The following LCLAT1 variants were observed in gnomAD, a reference collection of about 807,000 sequenced individuals.
LCLAT1 encodes 1-AGP acyltransferase 8.
LCLAT1 carries 11 observed loss-of-function variants against 30.7 expected under a neutral mutation model. The ratio of observed to expected loss-of-function variants is 0.36; its 90% confidence interval spans 0.23 to 0.59. The LOEUF (loss-of-function observed/expected upper bound fraction) is 0.59, where lower values mean the gene tolerates loss of function less well. Among genes scored for constraint, LCLAT1 ranks in the 20% least tolerant of loss-of-function variants. The pLI, the probability that LCLAT1 is intolerant of heterozygous loss-of-function variation, is 0.77. For synonymous variants in LCLAT1, 155 were observed against 151.3 expected (o/e 1.02, Z -0.18); for missense variants, 402 against 458.6 (o/e 0.88, Z 1.13).
At chr2:30,471,244 A>G (rs1004311013) in intron 1 of LCLAT1, among the ~76,000 whole-genome samples, 9 of 125,602 alleles carry the variant, frequency 7.2e-5, no homozygotes, top group South Asian at 2.5e-4. Context: ...GAGTCTCACA[A>G]TGTTGCCCAG....
chr2:30,572,456 G>T (rs1292880982), intron 5 of LCLAT1, among the ~76,000 whole-genome samples: 1 of 152,196 alleles, frequency 6.6e-6, no homozygotes, highest in Non-Finnish European at 1.5e-5. Context: ...TCAATCTGGT[G>T]ATGGGGACCT....
intron 5 of LCLAT1, among the ~76,000 whole-genome samples, chr2:30,597,686 T>C (rs1666989078): frequency 6.6e-6 from 1 of 152,202 alleles, no homozygotes; most frequent in Non-Finnish European, 1.5e-5. Context: ...CTAGGCTGAA[T>C]AGGAGTGGTG....
chr2:30,551,794 A>G (rs1043259528), intron 3 of LCLAT1, among the ~76,000 whole-genome samples: 1 of 152,200 alleles, frequency 6.6e-6, no homozygotes, highest in Non-Finnish European at 1.5e-5. Flanking sequence ...CATCAGTACT[A>G]AGTCATCTTG....
chr2:30,472,535 A>G (rs1404426209), intron 1 of LCLAT1, among the ~76,000 whole-genome samples: 1 of 152,198 alleles, frequency 6.6e-6, no homozygotes, highest in African/African-American at 2.4e-5. Flanking sequence ...ACAAATGGAA[A>G]CTTTTTCTTT....
Position 30,635,489 on chromosome 2 carries a change from A to C in LCLAT1, c.629-4628A>C, listed in dbSNP as rs76993511. Among the ~76,000 whole-genome samples, 1,491 of 152,270 alleles carry C rather than the reference A, an allele frequency of 9.8e-3. 23 individuals carry two copies. The highest frequency in any genetic ancestry group is 0.034 in the African/African-American group (1,401 of 41,568). ...TGTCTTTTTTAGTTTCTAACATTAC[A>C]GTGTTACTCTTTACTTGCTTATAAT... is the stretch of plus-strand genomic sequence containing the variant. On this transcript the variant is annotated intron_variant, in intron 5 of 5. Coordinates refer to ENST00000379509, the MANE Select transcript of LCLAT1 (RefSeq NM_001002257.3).
At chr2:30,532,094 T>C (rs1686009269) in intron 2 of LCLAT1, among the ~76,000 whole-genome samples, 1 of 152,226 alleles carries the variant, frequency 6.6e-6, no homozygotes, top group South Asian at 2.1e-4. Context: ...CTTAATCTTT[T>C]AGAAAGTCTT....
chr2:30,481,746 G>C (rs1175112625), intron 1 of LCLAT1, among the ~76,000 whole-genome samples: 2 of 152,170 alleles, frequency 1.3e-5, no homozygotes, highest in East Asian at 3.9e-4. Flanking sequence ...TGGGAAGTGA[G>C]GAAGCAGAGA....
rs568276646 is a variant in LCLAT1, at chr2:30,633,688, A to C, written c.629-6429A>C. 2.0e-5 allele frequency among the ~76,000 whole-genome samples: 3 copies of C among 152,316 alleles called. No individual in the cohort carries two copies. In the South Asian group the frequency reaches 6.2e-4, roughly 32 times the overall value. On this transcript the variant is annotated intron_variant, in intron 5 of 5. Coordinates refer to ENST00000379509, the MANE Select transcript of LCLAT1 (RefSeq NM_001002257.3). The stretch of plus-strand genomic sequence containing the variant: ...GGACAGAGCGAGACTCCATCTCAAA[A>C]TAAATAAATAAATAAAATAAGTTAC...
At chr2:30,487,038 A>G (rs829678) in intron 1 of LCLAT1, among the ~76,000 whole-genome samples, 14,568 of 152,266 alleles carry the variant, frequency 0.096, 747 homozygotes, top group East Asian at 0.13. Context: ...CTAAAATTCT[A>G]TGATATTTAC....
chr2:30,536,315 T>C (rs935606695), intron 3 of LCLAT1, among the ~76,000 whole-genome samples: 1 of 152,194 alleles, frequency 6.6e-6, no homozygotes, highest in Non-Finnish European at 1.5e-5. Flanking sequence ...AGGTTGAAGC[T>C]GAAAAGGCCT....
chr2:30,601,543 TG>T (rs1558547909), intron 5 of LCLAT1, among the ~76,000 whole-genome samples: 1 of 152,172 alleles, frequency 6.6e-6, no homozygotes, highest in Non-Finnish European at 1.5e-5. Flanking sequence ...ACCAAGATTG[TG>T]GGTTATAATC....
intron 5 of LCLAT1, among the ~76,000 whole-genome samples, chr2:30,589,192 A>C (rs551237344): frequency 6.7e-4 from 102 of 152,314 alleles, no homozygotes; most frequent in African/African-American, 2.2e-3. Context: ...CATGACAGTA[A>C]ACTTGACAAA....
chr2:30,500,387 A>G (rs1157282959), intron 1 of LCLAT1, among the ~76,000 whole-genome samples: 1 of 152,152 alleles, frequency 6.6e-6, no homozygotes, highest in Non-Finnish European at 1.5e-5. Flanking sequence ...CTGTGGCTTT[A>G]CCTCATTGCC....
intron 3 of LCLAT1, among the ~76,000 whole-genome samples, chr2:30,545,866 A>G (rs1281031382): frequency 1.3e-5 from 2 of 152,208 alleles, no homozygotes; most frequent in East Asian, 1.9e-4. Context: ...TAATCACTGT[A>G]GAGTGAGAAA....
chr2:30,510,621 C>T (rs1489761343), intron 1 of LCLAT1, among the ~76,000 whole-genome samples: 4 of 152,170 alleles, frequency 2.6e-5, no homozygotes, highest in African/African-American at 9.7e-5. Flanking sequence ...GTCATTTTCT[C>T]CGGTTCCGGG....
intron 2 of LCLAT1, among the ~76,000 whole-genome samples, chr2:30,528,923 G>A (rs946796973): frequency 2.0e-5 from 3 of 152,130 alleles, no homozygotes; most frequent in Non-Finnish European, 2.9e-5. Flanking sequence ...TTGAGATAGT[G>A]AACATCTCTG....
intron 1 of LCLAT1, among the ~76,000 whole-genome samples, chr2:30,486,745 C>G (rs948441048): frequency 9.9e-5 from 15 of 152,150 alleles, no homozygotes; most frequent in African/African-American, 3.1e-4. Context: ...ACATTCTTAC[C>G]TTTCTTGCTG....
chr2:30,518,432 G>A (rs1351834882), intron 1 of LCLAT1, among the ~76,000 whole-genome samples: 2 of 152,174 alleles, frequency 1.3e-5, no homozygotes, highest in African/African-American at 4.8e-5. Context: ...CGTGCGAGCT[G>A]TTTGCACTCA....
chr2:30,629,024 CTAGA>C (rs556562315), intron 5 of LCLAT1, among the ~76,000 whole-genome samples: 97 of 152,164 alleles, frequency 6.4e-4, no homozygotes, highest in South Asian at 1.4e-3. Flanking sequence ...TGCAAATTGA[CTAGA>C]TAGAGACAAA....
Sources: gnomAD v4.1 joint callset for allele counts (sites outside exome capture counted in the v4.1 genomes callset) on GRCh38, gnomAD v4.1.1 for gene constraint, MANE v1.5 for transcripts, NCBI Gene and HGNC (gene_info 2026-07-23, HGNC 2026-07-21) for gene names.